Variants in XIRP2 observed in about 807,000 individuals in gnomAD.
The protein encoded by XIRP2 is xin actin binding repeat containing 2.
In XIRP2, 236 loss-of-function variants were observed where a neutral mutation model predicts 277.0. The ratio of observed to expected loss-of-function variants is 0.85; its 90% CI spans 0.77 to 0.95. The LOEUF (loss-of-function observed/expected upper bound fraction) is 0.95. Ranked by LOEUF, XIRP2 falls within the 40% of genes least tolerant of loss-of-function variation. The pLI, the probability that XIRP2 is intolerant of heterozygous loss-of-function variation, is 0.00. For synonymous variants in XIRP2, 1,490 were observed against 1,416.5 expected, an observed-to-expected ratio of 1.05 and a Z score of -1.17; for missense variants, 4,640 against 4,157.5, an observed-to-expected ratio of 1.12 and a Z score of -3.19.
chr2:167,200,043 G>A (rs918589493), intron 3 of XIRP2, among the ~76,000 whole-genome samples: 1 of 152,164 alleles, frequency 6.6e-6, no homozygotes, highest in African/African-American at 2.4e-5. Context: ...AGAAAGAATA[G>A]GATAGCAACT....
intron 2 of XIRP2, among the ~76,000 whole-genome samples, chr2:167,127,077 G>T (rs1394844550): frequency 6.6e-6 from 1 of 152,038 alleles, no homozygotes; most frequent in Non-Finnish European, 1.5e-5. Context: ...TTTTACCTAG[G>T]CTACCTCCTA....
At chr2:167,104,800 G>A (rs1690572709) in intron 2 of XIRP2, among the ~76,000 whole-genome samples, 1 of 151,958 alleles carries the variant, frequency 6.6e-6, no homozygotes, top group African/African-American at 2.4e-5. Flanking sequence ...GTCATGATGG[G>A]AATTTTATCA....
intron 2 of XIRP2, among the ~76,000 whole-genome samples, chr2:167,020,224 C>G (rs1232912392): frequency 6.6e-6 from 1 of 151,884 alleles, no homozygotes; most frequent in African/African-American, 2.4e-5. Flanking sequence ...AAAATCTTCA[C>G]TTTTATCTCA....
rs1311365709 is a variant in XIRP2 at position 167,250,114 on chromosome 2, C to G, written c.8722C>G (p.Gln2908Glu). ...CGAAGTCAAGGGCATACAAGAGAAA[C>G]AAGTCTTCTCTAATACTAAAGATTC... ...CLEVKGIQEK[Q>E]VFSNTKDSKQ... is the part of the protein sequence containing the mutation. Residue 2908 changes from glutamine (Q) to glutamate (E), a missense_variant, in exon 9 of 11, where the codon CAA becomes GAA. By Grantham distance (29) the Gln-to-Glu change is conservative (BLOSUM62 2). Coordinates refer to ENST00000409195, the MANE Select transcript of XIRP2 (RefSeq NM_152381.6). 4.3e-6 allele frequency: 7 copies of G among 1,613,264 alleles called. No individual in the cohort carries two copies. Among genetic ancestry groups the G allele is most frequent in the Middle Eastern group, 1.7e-4 (1 of 6,054 alleles).
rs776926324 is a variant in XIRP2 at position 167,214,093 on chromosome 2, AGAAGGAAG to A, written c.723+3235_723+3242del. 8.8e-3 allele frequency among the ~76,000 whole-genome samples: 565 copies of A among 64,360 alleles called. 7 individuals carry two copies. Among genetic ancestry groups the A allele is most frequent in the Middle Eastern group, 0.043 (4 of 94 alleles). 42.2% of individuals were successfully genotyped at this position (64,360 alleles called of 152,430 possible). A position where few individuals can be genotyped will look rare whatever the true frequency, so the allele number is the denominator to read the frequency against. Reference sequence around the variant, plus strand: ...TAGAAAGGAAGGAAGGAAGAAAGAAAGAAGGAAGGAAGGAAGGAAGGAAGGAAGGAAGG... The same window carrying A: ...TAGAAAGGAAGGAAGGAAGAAAGAAAGAAGGAAGGAAGGAAGGAAGGAAGG... On this transcript the variant is annotated intron_variant, in intron 4 of 10. Coordinates refer to ENST00000409195, the MANE Select transcript of XIRP2 (RefSeq NM_152381.6).
chr2:167,075,119 T>A (rs140631273), intron 2 of XIRP2, among the ~76,000 whole-genome samples: 1 of 152,370 alleles, frequency 6.6e-6, no homozygotes, highest in Non-Finnish European at 1.5e-5. Context: ...ATCTCATTAA[T>A]CATTTTTGTA....
At chr2:167,109,694 A>C (rs1690701836) in intron 2 of XIRP2, among the ~76,000 whole-genome samples, 1 of 152,202 alleles carries the variant, frequency 6.6e-6, no homozygotes, top group South Asian at 2.1e-4. Flanking sequence ...TCTTTGTGGT[A>C]GAACAATTTC....
chr2:167,106,863 GT>G (rs1485063060), intron 2 of XIRP2, among the ~76,000 whole-genome samples: 1 of 151,216 alleles, frequency 6.6e-6, no homozygotes, highest in East Asian at 1.9e-4. Flanking sequence ...GCGTTCTGTA[GT>G]TTTAGCATAG....
chr2:166,948,637 A>C (rs539325646), intron 2 of XIRP2, among the ~76,000 whole-genome samples: 27 of 152,184 alleles, frequency 1.8e-4, no homozygotes, highest in Admixed American at 1.2e-3. Flanking sequence ...ATTTGCTCTA[A>C]GTTTTGTCTA....
intron 1 of XIRP2, 114 bp from the exon 2 acceptor site, chr2:166,903,351 G>A (rs1684431760): frequency 2.0e-6 from 2 of 1,018,568 alleles, no homozygotes; most frequent in Non-Finnish European, 2.8e-6. Context: ...AGGAAAGCTG[G>A]ATTTCTTTAC....
chr2:167,028,386 A>T (rs980764220), intron 2 of XIRP2, among the ~76,000 whole-genome samples: 1 of 152,054 alleles, frequency 6.6e-6, no homozygotes, highest in Non-Finnish European at 1.5e-5. Flanking sequence ...TTGAGCAGAA[A>T]CTAAGAGAAG....
At chr2:167,111,376 A>T (rs1690750073) in intron 2 of XIRP2, among the ~76,000 whole-genome samples, 1 of 152,144 alleles carries the variant, frequency 6.6e-6, no homozygotes, top group South Asian at 2.1e-4. Context: ...GAGGGTTTTT[A>T]ACATGAAGGG....
At chr2:166,902,595 T>C (rs1343060823) in intron 1 of XIRP2, among the ~76,000 whole-genome samples, 1 of 151,808 alleles carries the variant, frequency 6.6e-6, no homozygotes, top group East Asian at 1.9e-4. Context: ...CTGCCCATGA[T>C]TTGTGTGTGT....
In XIRP2 at chr2:167,251,714, G is replaced by A. The variant is rs1559046183; in HGVS notation, c.10322G>A (p.Ser3441Asn). ...ESKMKTSSSH[S>N]SEAGKSGCDF... Reference sequence around the variant, plus strand: ...AAGATGAAAACCTCTTCATCACATAGCTCAGAAGCTGGCAAATCTGGCTGT... The same window carrying A: ...AAGATGAAAACCTCTTCATCACATAACTCAGAAGCTGGCAAATCTGGCTGT... The change falls in exon 9 of 11, where the codon AGC becomes AAC. Residue 3441 changes from serine (S) to asparagine (N), a missense_variant. Transcript: ENST00000409195. 6.2e-7 allele frequency: 1 copy of A among 1,613,350 alleles called. No individual in the cohort carries two copies. Among genetic ancestry groups the A allele is most frequent in the African/African-American group, 1.3e-5 (1 of 74,954 alleles).
At chr2:167,102,525 G>T (rs771325358) in intron 2 of XIRP2, among the ~76,000 whole-genome samples, 1 of 152,152 alleles carries the variant, frequency 6.6e-6, no homozygotes, top group Non-Finnish European at 1.5e-5. Context: ...CACCCTCTGG[G>T]AGAAAAGGAC....
At position 167,227,714 on chromosome 2, in the gene XIRP2, A is replaced by T. The variant is rs537601772; in HGVS notation, c.858+9414A>T. On this transcript the variant is annotated intron_variant, in intron 5 of 10. Coordinates refer to ENST00000409195, the MANE Select transcript of XIRP2 (RefSeq NM_152381.6). ...AAAGTGAGACCCTGTCTCAAAAAAA[A>T]TTTTCTAATAAAATAAATGATAGAA... Among the ~76,000 whole-genome samples, 24 of 152,216 alleles carry T rather than the reference A, an allele frequency of 1.6e-4. No homozygotes were observed. In the South Asian group the frequency reaches 2.3e-3, roughly 14 times the overall value.
rs565094174 is a variant in XIRP2, at chr2:166,911,352, C to T, written c.408+7462C>T. Among the ~76,000 whole-genome samples, 284 of 152,280 alleles carry T rather than the reference C, an allele frequency of 1.9e-3. 2 individuals carry two copies. The highest frequency in any genetic ancestry group is 6.4e-3 in the African/African-American group (268 of 41,566). The stretch of plus-strand genomic sequence containing the variant: ...TTAGCTCTTCTCGTTGAATTGATCC[C>T]TTTACCATTACGTAATGGCCTTGTC... On this transcript the variant is annotated intron_variant, in intron 2 of 10. Transcript: ENST00000409195.
intron 3 of XIRP2, among the ~76,000 whole-genome samples, chr2:167,165,085 T>C (rs1463134385): frequency 6.6e-6 from 1 of 152,238 alleles, no homozygotes; most frequent in African/African-American, 2.4e-5. Context: ...GTCATATAGT[T>C]GGAATCGTAC....
chr2:166,961,470 C>A (rs1686295165), intron 2 of XIRP2, among the ~76,000 whole-genome samples: 1 of 151,704 alleles, frequency 6.6e-6, no homozygotes, highest in African/African-American at 2.4e-5. Context: ...AATCTGACAG[C>A]TGAATTAGCC....
Sources: allele counts gnomAD v4.1 joint callset (sites outside exome capture counted in the v4.1 genomes callset), GRCh38; gene constraint gnomAD v4.1.1; transcripts MANE v1.5; gene names NCBI Gene and HGNC (gene_info 2026-07-23, HGNC 2026-07-21).